KRT23: variants seen among roughly 807,000 people sequenced by gnomAD.
KRT23 encodes the protein keratin 23.
A neutral mutation model predicts 47.6 loss-of-function variants in KRT23; 38 were observed. The observed-to-expected ratio is 0.80, with a 90% CI of 0.62 to 1.05. The LOEUF (loss-of-function observed/expected upper bound fraction) is 1.05. Ranked by LOEUF, KRT23 falls within the 50% of genes least tolerant of loss-of-function variation. KRT23 has a pLI of 0.00. For missense variants in KRT23, 503 were observed against 529.5 expected (o/e 0.95, Z 0.49); for synonymous variants, 191 against 199.0 (o/e 0.96, Z 0.34).
At chr17:40,924,857 A>G (rs957010304) in intron 7 of KRT23, among the ~76,000 whole-genome samples, 3 of 152,102 alleles carry the variant, frequency 2.0e-5, no homozygotes, top group Non-Finnish European at 2.9e-5. Context: ...TGTTTTATTT[A>G]TGTATTTTTA....
Position 40,924,513 on chromosome 17 carries a change from T to G in KRT23, c.1143-10A>C. The G allele has an allele frequency of 6.2e-7, 1 of 1,611,642 alleles. No homozygotes were observed. Among genetic ancestry groups the G allele is most frequent in the Non-Finnish European group, 8.5e-7 (1 of 1,177,994 alleles). Reference sequence around the variant, plus strand: ...TGATTCTTCCCGTGTCCTATAAAAGTGATAAAGGTTAAAGCTCACTTTAGT... The same window carrying G: ...TGATTCTTCCCGTGTCCTATAAAAGGGATAAAGGTTAAAGCTCACTTTAGT... On this transcript the variant is annotated splice_polypyrimidine_tract_variant and intron_variant, in intron 7 of 8. Coordinates refer to ENST00000209718, the MANE Select transcript of KRT23 (RefSeq NM_015515.5).
At chr17:40,923,104 G>GTGAC in intron 8 of KRT23, 21 bp from the exon 9 acceptor site, 3 of 1,536,756 alleles carry the variant, frequency 2.0e-6, no homozygotes, top group Non-Finnish European at 2.7e-6. Context: ...GAGCATGGAA[G>GTGAC]ATGTCACTGC....
At chr17:40,929,735 C>T in intron 4 of KRT23, 1 of 480,080 alleles carries the variant, frequency 2.1e-6, no homozygotes, top group Non-Finnish European at 3.7e-6. Flanking sequence ...ATTATGATTG[C>T]ATTTTGGTTG....
intron 2 of KRT23, among the ~76,000 whole-genome samples, chr17:40,935,498 G>GT (rs562279495): frequency 5.9e-5 from 9 of 151,716 alleles, no homozygotes; most frequent in Middle Eastern, 3.2e-3. Flanking sequence ...AAAGAGTTCG[G>GT]TTTTTTTTGA....
chr17:40,933,379 A>G (rs1246728215), intron 2 of KRT23, among the ~76,000 whole-genome samples: 1 of 152,220 alleles, frequency 6.6e-6, no homozygotes, highest in Non-Finnish European at 1.5e-5. Flanking sequence ...TTCTCCCTCC[A>G]GACCCCTTAT....
chr17:40,931,849 G>A (rs1168914239), intron 2 of KRT23, among the ~76,000 whole-genome samples: 2 of 152,188 alleles, frequency 1.3e-5, no homozygotes, highest in Non-Finnish European at 2.9e-5. Context: ...ATCCACAGCT[G>A]AAGATGTTAA....
chr17:40,929,348 C>T (rs1163287614), intron 4 of KRT23, among the ~76,000 whole-genome samples: 1 of 152,234 alleles, frequency 6.6e-6, no homozygotes, highest in Non-Finnish European at 1.5e-5. Context: ...ACCAAGCAGC[C>T]ACAGGAAAGG....
intron 3 of KRT23, 69 bp from the exon 4 acceptor site, chr17:40,930,165 T>G: frequency 7.0e-7 from 1 of 1,419,518 alleles, no homozygotes; most frequent in South Asian, 1.3e-5. Flanking sequence ...GGATTCATTT[T>G]CATTTAGAGG....
rs749892285 is a variant in KRT23, at chr17:40,928,250, T to C, written c.909A>G (p.Thr303=). Residue 303 remains threonine, a synonymous_variant, in exon 6 of 9, where the codon ACA becomes ACG. Coordinates refer to ENST00000209718, the MANE Select transcript of KRT23 (RefSeq NM_015515.5). The stretch of plus-strand genomic sequence containing the variant: ...AGCCTTGACTCACCGTGCTGTACTG[T>C]GTCTGCAGGTCAATCTCCAGGGCCT... The part of the protein sequence containing the change: ...TFQALEIDLQ[T]QYSTKSALEN... 6.2e-7 allele frequency: 1 copy of C among 1,614,162 alleles called. No homozygotes were observed. The highest frequency in any genetic ancestry group is 1.1e-5 in the South Asian group (1 of 91,076).
At chr17:40,926,858 C>T (rs545317902) in intron 6 of KRT23, among the ~76,000 whole-genome samples, 50 of 152,218 alleles carry the variant, frequency 3.3e-4, no homozygotes, top group African/African-American at 1.2e-3. Context: ...GTTGGGACTC[C>T]GCGGCCTCAC....
intron 7 of KRT23, among the ~76,000 whole-genome samples, 188 bp from the exon 8 acceptor site, chr17:40,924,691 G>T (rs1245100875): frequency 6.6e-6 from 1 of 152,112 alleles, no homozygotes; most frequent in Non-Finnish European, 1.5e-5. Flanking sequence ...AAGGCATTGG[G>T]TACCGCCTCC....
At chr17:40,935,503 T>G (rs1233079075) in intron 2 of KRT23, among the ~76,000 whole-genome samples, 1 of 152,204 alleles carries the variant, frequency 6.6e-6, no homozygotes, top group Non-Finnish European at 1.5e-5. Flanking sequence ...GTTCGGTTTT[T>G]TTTGAACAAG....
intron 2 of KRT23, among the ~76,000 whole-genome samples, chr17:40,933,892 A>C (rs571366473): frequency 6.6e-6 from 1 of 152,316 alleles, no homozygotes; most frequent in South Asian, 2.1e-4. Flanking sequence ...TTTAAAAGCA[A>C]GTTGGCATAT....
At position 40,931,378 on chromosome 17, in the gene KRT23, G is replaced by C; in HGVS notation, c.474C>G (p.Asn158Lys). Reference protein sequence around the residue: ...DNARMAVDDFNLKYENEHSFK... With the variant: ...DNARMAVDDFKLKYENEHSFK... ...CCTGTGAAGAAGGAACTTACTTGAG[G>C]TTGAAGTCATCCACTGCCATCCTGG... The change falls in exon 3 of 9, where the codon AAC becomes AAG. Residue 158 changes from asparagine (N) to lysine (K), a missense_variant. Physicochemically the swap from Asn to Lys is moderately conservative, Grantham distance 94. Transcript: ENST00000209718. 3 of 1,609,208 alleles carry C rather than the reference G, an allele frequency of 1.9e-6. No homozygotes were observed. The highest frequency in any genetic ancestry group is 2.6e-6 in the Non-Finnish European group (3 of 1,175,476).
chr17:40,925,488 A>G lies in KRT23; in HGVS notation c.1008T>C (p.Tyr336=). 6.2e-7 allele frequency: 1 copy of G among 1,614,032 alleles called. No individual in the cohort carries two copies. The highest frequency in any genetic ancestry group is 8.5e-7 in the Non-Finnish European group (1 of 1,179,938). The change falls in exon 7 of 9, where the codon TAT becomes TAC. Residue 336 remains tyrosine (Y), a synonymous_variant. Coordinates refer to ENST00000209718, the MANE Select transcript of KRT23 (RefSeq NM_015515.5). The stretch of plus-strand genomic sequence containing the variant: ...GGCGTAGCTGCGTCAGTTCCTCCTC[A>G]TAGTGGGAGATGATCTCTTGCATGT... ...LQDMQEIISH[Y]EEELTQLRHE...
At position 40,928,225 on chromosome 17, in the gene KRT23, A is replaced by T; in HGVS notation, c.921+13T>A. ...GTGGTGTGGGATTCACGGTTTTCCTAGCCTTGACTCACCGTGCTGTACTGT... is the reference window on the plus strand; with the variant it reads ...GTGGTGTGGGATTCACGGTTTTCCTTGCCTTGACTCACCGTGCTGTACTGT... On this transcript the variant is annotated intron_variant, in intron 6 of 8. Coordinates refer to ENST00000209718, the MANE Select transcript of KRT23 (RefSeq NM_015515.5). The T allele has an allele frequency of 6.2e-7, 1 of 1,613,936 alleles. No homozygotes were observed.
chr17:40,928,390 G>A (rs749454155), intron 5 of KRT23, 30 bp from the exon 6 acceptor site: 25 of 1,614,032 alleles, frequency 1.5e-5, no homozygotes, highest in Middle Eastern at 3.3e-4. Flanking sequence ...AAAGGCGTCA[G>A]CATTGGGACC....
chr17:40,928,671 T>C (rs1909408668), intron 4 of KRT23, 64 bp from the exon 5 acceptor site: 1 of 1,422,466 alleles, frequency 7.0e-7, no homozygotes, highest in Non-Finnish European at 9.7e-7. Flanking sequence ...ATTGCCATGT[T>C]GATTGGCAGT....
chr17:40,924,433 T>G (rs1199088340), intron 8 of KRT23, 39 bp downstream of exon 8: 15 of 1,555,526 alleles, frequency 9.6e-6, no homozygotes, highest in Non-Finnish European at 1.3e-5. Context: ...TGCTAATTCC[T>G]TAAAAACAGA....
Sources: gnomAD v4.1 joint callset for allele counts (sites outside exome capture counted in the v4.1 genomes callset) on GRCh38, gnomAD v4.1.1 for gene constraint, MANE v1.5 for transcripts, NCBI Gene and HGNC (gene_info 2026-07-23, HGNC 2026-07-21) for gene names.